Variants in ZBTB46 observed in about 807,000 individuals in gnomAD.
ZBTB46 encodes zinc finger and BTB domain-containing protein 46.
ZBTB46 carries 8 observed loss-of-function variants against 44.1 expected under a neutral mutation model. The observed-to-expected ratio is 0.18, with a 90% CI of 0.11 to 0.33. The LOEUF (loss-of-function observed/expected upper bound fraction) is 0.33. Ranked by LOEUF, ZBTB46 falls within the 10% of genes least tolerant of loss-of-function variation. The pLI, the probability that ZBTB46 is intolerant of heterozygous loss-of-function variation, is 1.00. For synonymous variants in ZBTB46, 409 were observed against 382.3 expected, an observed-to-expected ratio of 1.07 and a Z score of -0.81; for missense variants, 651 against 847.7, an observed-to-expected ratio of 0.77 and a Z score of 2.88.
intron 1 of ZBTB46, chr20:63,814,932 G>T (rs945700359): frequency 3.9e-5 from 6 of 155,084 alleles, no homozygotes; most frequent in Non-Finnish European, 7.2e-5. Flanking sequence ...GCTGATCATG[G>T]TCTCACATGC....
Position 63,816,807 on chromosome 20 carries a change from G to C in ZBTB46, c.-34+14290C>G, listed in dbSNP as rs149750050. Among the ~76,000 whole-genome samples the C allele has an allele frequency of 3.3e-5, 5 of 152,244 alleles. No homozygotes were observed. The East Asian group carries it at 9.6e-4, about 29-fold the overall frequency. On this transcript the variant is annotated intron_variant, in intron 1 of 4. Transcript: ENST00000245663. ...CCCAATAGGACCAGCTTCCTTAAAAGAAAAGGAAAAGGCCAGGCCTGGCAC... is the reference window on the plus strand; with the variant it reads ...CCCAATAGGACCAGCTTCCTTAAAACAAAAGGAAAAGGCCAGGCCTGGCAC...
At chr20:63,749,628 G>A (rs980353632) in intron 4 of ZBTB46, among the ~76,000 whole-genome samples, 10 of 152,188 alleles carry the variant, frequency 6.6e-5, no homozygotes, top group South Asian at 2.1e-4. Context: ...CAGCCACCGC[G>A]CCCAGCCTGT....
At chr20:63,828,503 T>C (rs750390558) in intron 1 of ZBTB46, among the ~76,000 whole-genome samples, 14 of 152,236 alleles carry the variant, frequency 9.2e-5, no homozygotes, top group Non-Finnish European at 2.1e-4. Context: ...AGGGTATTTT[T>C]TTTTTTAAAT....
At position 63,775,936 on chromosome 20, in the gene ZBTB46, T is replaced by G. The variant is rs138883147; in HGVS notation, c.964A>C (p.Ser322Arg). 1 of 1,582,852 alleles carries G rather than the reference T, an allele frequency of 6.3e-7. No homozygotes were observed. The highest frequency in any genetic ancestry group is 1.3e-5 in the African/African-American group (1 of 74,100). Residue 322 changes from serine to arginine, a missense_variant, in exon 3 of 5, where the codon AGC (serine) becomes CGC (arginine). Physicochemically the swap from Ser to Arg is moderately radical, Grantham distance 110 (BLOSUM62 -1). Coordinates refer to ENST00000245663, the MANE Select transcript of ZBTB46 (RefSeq NM_001369741.1). ...CTCTCTCCTCGGCTGTCGGAGCTGC[T>G]GGCTTCGGTGACGGACAGGTCCGCA... ...SNADLSVTEA[S>R]SSDSRGERAE...
chr20:63,827,172 G>A (rs980741743), intron 1 of ZBTB46, among the ~76,000 whole-genome samples: 15 of 152,168 alleles, frequency 9.9e-5, no homozygotes, highest in Non-Finnish European at 1.5e-5. Flanking sequence ...GTTTCTGCGT[G>A]CCCCCAACCC....
chr20:63,780,182 A>G (rs1335085421), intron 2 of ZBTB46, among the ~76,000 whole-genome samples: 1 of 151,942 alleles, frequency 6.6e-6, no homozygotes, highest in Admixed American at 6.6e-5. Context: ...GAGGCAGGAA[A>G]ATCGCTTGAA....
At chr20:63,754,408 A>G (rs1158454007) in intron 3 of ZBTB46, among the ~76,000 whole-genome samples, 1 of 152,226 alleles carries the variant, frequency 6.6e-6, no homozygotes, top group African/African-American at 2.4e-5. Context: ...TCTAGGCTAG[A>G]AAAGGAGAGC....
rs941093991 is a variant in ZBTB46, at chr20:63,746,764, C to G, written c.*166G>C. 1.7e-6 allele frequency: 2 copies of G among 1,153,888 alleles called. No homozygotes were observed. The highest frequency in any genetic ancestry group is 3.2e-5 in the African/African-American group (2 of 62,142). The allele number at this position is 1,153,888 out of a possible 1,614,324, so 71.5% of individuals were successfully genotyped here. On this transcript the variant is annotated 3_prime_UTR_variant, in exon 5 of 5. Transcript: ENST00000245663. ...GAGCACCCCTCTTGCTGGGGTCGCA[C>G]CTGCTTAGCCCGCAGGGCTGGTTTC...
At position 63,745,586 on chromosome 20, in the gene ZBTB46, A is replaced by C. The variant is rs2296763; in HGVS notation, c.*1344T>G. The C allele has an allele frequency of 0.8, 121,842 of 152,344 alleles. 49,485 individuals carry two copies. Among genetic ancestry groups the C allele is most frequent in the African/African-American group, 0.93 (38,738 of 41,566 alleles). The allele number at this position is 152,344 out of a possible 1,614,324, so 9.4% of individuals were successfully genotyped here. On this transcript the variant is annotated 3_prime_UTR_variant, in exon 5 of 5. Coordinates refer to ENST00000245663, the MANE Select transcript of ZBTB46 (RefSeq NM_001369741.1). ...CGGGCAGGTCCTGGAGGGAAGGAGG[A>C]GGCCACCGCGCCCACCTCCCATCTG...
rs558608422 is a variant in ZBTB46 at position 63,752,411 on chromosome 20, G to A, written c.1398+275C>T. ...GAGGGTTGGGGGCTCCAAGCAGAGC[G>A]AGCTGAGTTTGCCGAGGCCTGGCTG... On this transcript the variant is annotated intron_variant, in intron 4 of 4. Transcript: ENST00000245663. This position sits in a 1 kb window ranked among gnomAD's most constrained non-coding sequence, Gnocchi z 5.6. Among the ~76,000 whole-genome samples the A allele has an allele frequency of 2.2e-4, 33 of 152,202 alleles. No homozygotes were observed. The highest frequency in any genetic ancestry group is 6.3e-4 in the African/African-American group (26 of 41,532).
intron 1 of ZBTB46, among the ~76,000 whole-genome samples, chr20:63,817,013 G>A (rs1455716585): frequency 2.0e-5 from 3 of 152,110 alleles, no homozygotes; most frequent in Non-Finnish European, 4.4e-5. Context: ...GCTGAGGCAG[G>A]AGAATCGCTT....
At chr20:63,786,636 T>C (rs1460649699) in intron 2 of ZBTB46, among the ~76,000 whole-genome samples, 1 of 152,060 alleles carries the variant, frequency 6.6e-6, no homozygotes, top group Non-Finnish European at 1.5e-5. Context: ...CTCAGCTTCC[T>C]GAGCAGCTGG....
At chr20:63,820,399 A>G (rs1375063234) in intron 1 of ZBTB46, among the ~76,000 whole-genome samples, 1 of 150,076 alleles carries the variant, frequency 6.7e-6, no homozygotes, top group Non-Finnish European at 1.5e-5. Flanking sequence ...GCGCCTGGCC[A>G]ATGTAAACAG....
rs957439114 is a variant in ZBTB46 at position 63,803,175 on chromosome 20, A to G, written c.-33-12385T>C. On this transcript the variant is annotated intron_variant, in intron 1 of 4. Coordinates refer to ENST00000245663, the MANE Select transcript of ZBTB46 (RefSeq NM_001369741.1). This position sits in a 1 kb window ranked among gnomAD's most constrained non-coding sequence, Gnocchi z 4.0. ...CCCCCAGGATGCCATCCAGGCAGGG[A>G]CCAGTGTGGGCACCATCCCCCAGGG... Among the ~76,000 whole-genome samples the G allele has an allele frequency of 6.6e-6, 1 of 152,034 alleles. No individual in the cohort carries two copies. Among genetic ancestry groups the G allele is most frequent in the Non-Finnish European group, 1.5e-5 (1 of 68,002 alleles).
chr20:63,758,827 G>C (rs1443221184), intron 3 of ZBTB46, among the ~76,000 whole-genome samples: 1 of 151,276 alleles, frequency 6.6e-6, no homozygotes, highest in Non-Finnish European at 1.5e-5. Context: ...CGCCTCCCGG[G>C]TTCACGCCAT....
chr20:63,743,921 G>GAAGT lies in ZBTB46; in HGVS notation c.*3005_*3008dup, dbSNP rs1423894874. Reference sequence around the variant, plus strand: ...AACACAGGTTTATAATAAGTAATAGGAAGTCAATATAATATAGATTATCCC... The same window carrying GAAGT: ...AACACAGGTTTATAATAAGTAATAGGAAGTAAGTCAATATAATATAGATTATCCC... On this transcript the variant is annotated 3_prime_UTR_variant, in exon 5 of 5. Transcript: ENST00000245663. The GAAGT allele has an allele frequency of 6.6e-6, 1 of 152,336 alleles. No individual in the cohort carries two copies. Among genetic ancestry groups the GAAGT allele is most frequent in the East Asian group, 1.9e-4 (1 of 5,320 alleles). 9.4% of individuals were successfully genotyped at this position (152,336 alleles called of 1,614,324 possible).
At chr20:63,764,436 A>G (rs28866226) in intron 3 of ZBTB46, among the ~76,000 whole-genome samples, 75,166 of 145,286 alleles carry the variant, frequency 0.52, 19,478 homozygotes, top group African/African-American at 0.67. Flanking sequence ...GCCCTGTCTC[A>G]AAAAAAAAAA....
intron 1 of ZBTB46, among the ~76,000 whole-genome samples, chr20:63,794,720 G>A (rs1233457426): frequency 6.6e-6 from 1 of 152,176 alleles, no homozygotes; most frequent in African/African-American, 2.4e-5. Flanking sequence ...ACTCAGGCTC[G>A]ACACGCAAGC....
At chr20:63,796,316 C>A (rs1219469343) in intron 1 of ZBTB46, among the ~76,000 whole-genome samples, 1 of 152,210 alleles carries the variant, frequency 6.6e-6, no homozygotes, top group African/African-American at 2.4e-5. Flanking sequence ...GCCTCGGGTG[C>A]CCCCTGCTGG....
Sources: allele counts gnomAD v4.1 joint callset (sites outside exome capture counted in the v4.1 genomes callset), GRCh38; gene constraint gnomAD v4.1.1; non-coding constraint Gnocchi (gnomAD v3.1); transcripts MANE v1.5; gene names NCBI Gene and HGNC (gene_info 2026-07-23, HGNC 2026-07-21).